Variants in LAMTOR5 observed in about 807,000 individuals in gnomAD.
The protein encoded by LAMTOR5 is ragulator complex protein LAMTOR5.
A neutral mutation model predicts 12.1 loss-of-function variants in LAMTOR5; 8 were observed. The ratio of observed to expected loss-of-function variants is 0.66; its 90% CI spans 0.39 to 1.19. The LOEUF (loss-of-function observed/expected upper bound fraction) is 1.19, where lower values mean the gene tolerates loss of function less well. LAMTOR5 is among the 50% of genes most tolerant of loss of function. The pLI is 0.01. For synonymous variants in LAMTOR5, 37 were observed against 41.9 expected (o/e 0.88, Z 0.45); for missense variants, 110 against 112.8 (o/e 0.97, Z 0.11).
chr1:110,404,130 G>A (rs1557923981), intron 2 of LAMTOR5, 94 bp from the exon 3 acceptor site: 1 of 1,529,416 alleles, frequency 6.5e-7, no homozygotes, highest in Non-Finnish European at 8.8e-7. Context: ...CTACAGAATT[G>A]TCTTTTTATT....
At chr1:110,404,303 A>G (rs1329232282) in intron 2 of LAMTOR5, among the ~76,000 whole-genome samples, 1 of 152,270 alleles carries the variant, frequency 6.6e-6, no homozygotes, top group African/African-American at 2.4e-5. Context: ...ATCAGGTAAT[A>G]GACATGCCAC....
intron 1 of LAMTOR5, chr1:110,407,304 C>G (rs557491216): frequency 6.8e-6 from 4 of 589,214 alleles, no homozygotes; most frequent in East Asian, 5.5e-5. Flanking sequence ...CCACCCTGAC[C>G]GTAAAGACGA....
At chr1:110,405,705 C>T (rs1210554958) in intron 2 of LAMTOR5, among the ~76,000 whole-genome samples, 2 of 152,126 alleles carry the variant, frequency 1.3e-5, no homozygotes, top group Non-Finnish European at 2.9e-5. Flanking sequence ...TACAATGGTG[C>T]TTGGCACATA....
At chr1:110,407,843 G>C, upstream of LAMTOR5, 2 of 1,613,756 alleles carry the variant, frequency 1.2e-6, no homozygotes, top group South Asian at 1.1e-5. Flanking sequence ...GGTGACCGTC[G>C]AGGTGACCTG....
At chr1:110,402,943 C>G (rs1356898737) in intron 3 of LAMTOR5, among the ~76,000 whole-genome samples, 1 of 152,200 alleles carries the variant, frequency 6.6e-6, no homozygotes, top group Admixed American at 6.5e-5. Flanking sequence ...GGTAAGTGCC[C>G]TATTCAGATA....
intron 1 of LAMTOR5, chr1:110,407,263 A>C (rs1663352426): frequency 3.5e-6 from 2 of 578,550 alleles, no homozygotes; most frequent in African/African-American, 1.9e-5. Context: ...TCTTCCCAAA[A>C]GTCAACCCGT....
chr1:110,402,035 C>T (rs955347938), intron 3 of LAMTOR5, among the ~76,000 whole-genome samples: 2 of 152,112 alleles, frequency 1.3e-5, no homozygotes, highest in South Asian at 2.1e-4. Flanking sequence ...ATGGTGGTCC[C>T]GTAAGATTAT....
At chr1:110,401,633 A>T in intron 3 of LAMTOR5, 50 bp from the exon 4 acceptor site, 1 of 1,552,100 alleles carries the variant, frequency 6.4e-7, no homozygotes. Context: ...GTGGGACTTC[A>T]CTGCAAGATT....
chr1:110,407,490 G>A, intron 1 of LAMTOR5, 96 bp downstream of exon 1: 3 of 1,451,188 alleles, frequency 2.1e-6, no homozygotes, highest in Non-Finnish European at 2.8e-6. Flanking sequence ...ACGTCCCCGA[G>A]ACGCCCTGGC....
chr1:110,407,850 C>A, upstream of LAMTOR5: 1 of 1,613,576 alleles, frequency 6.2e-7, no homozygotes, highest in South Asian at 1.1e-5. Flanking sequence ...GTCGAGGTGA[C>A]CTGCACCTGG....
chr1:110,407,553 T>C (rs1663360210), intron 1 of LAMTOR5, 33 bp downstream of exon 1: 1 of 1,604,940 alleles, frequency 6.2e-7, no homozygotes, highest in Admixed American at 1.7e-5. Context: ...CGCCGCGACC[T>C]CAGGACAGGC....
chr1:110,407,573 G>A lies in LAMTOR5; in HGVS notation c.35+13C>T, dbSNP rs769246199. ...CGACCTCAGGACAGGCCGAAGAGGC[G>A]CGCACTACTCACGTGTCTTCCAAGT... On this transcript the variant is annotated intron_variant, in intron 1 of 3. Transcript: ENST00000602318. The A allele has an allele frequency of 3.1e-6, 5 of 1,611,726 alleles. No homozygotes were observed. The highest frequency in any genetic ancestry group is 2.2e-5 in the East Asian group (1 of 44,828).
chr1:110,402,016 C>T (rs921089954), intron 3 of LAMTOR5, among the ~76,000 whole-genome samples: 2 of 152,150 alleles, frequency 1.3e-5, no homozygotes, highest in African/African-American at 4.8e-5. Context: ...ACAGTGGACC[C>T]TACATATGAT....
chr1:110,405,317 T>C (rs987857737), intron 2 of LAMTOR5, among the ~76,000 whole-genome samples: 1 of 151,944 alleles, frequency 6.6e-6, no homozygotes, highest in Non-Finnish European at 1.5e-5. Context: ...CCTGCTACCA[T>C]GCCTGGCTAA....
chr1:110,404,114 A>C, intron 2 of LAMTOR5, 78 bp from the exon 3 acceptor site: 1 of 1,572,758 alleles, frequency 6.4e-7, no homozygotes, highest in Non-Finnish European at 8.6e-7. Flanking sequence ...GGCTGTTTTA[A>C]AATGTCTACA....
At chr1:110,402,460 T>G (rs1663248995) in intron 3 of LAMTOR5, among the ~76,000 whole-genome samples, 1 of 152,164 alleles carries the variant, frequency 6.6e-6, no homozygotes, top group South Asian at 2.1e-4. Flanking sequence ...TTGGTTAGGC[T>G]GTCTCACACT....
At chr1:110,406,944 GA>G in intron 1 of LAMTOR5, 2 of 584,082 alleles carry the variant, frequency 3.4e-6, no homozygotes, top group Admixed American at 2.7e-5. Flanking sequence ...AACACTGCGT[GA>G]AAAACATCTA....
At chr1:110,402,260 C>CT (rs1244005787) in intron 3 of LAMTOR5, among the ~76,000 whole-genome samples, 7 of 151,808 alleles carry the variant, frequency 4.6e-5, no homozygotes, top group South Asian at 2.1e-4. Flanking sequence ...TACTTTTTTT[C>CT]TTTTTTTTGA....
At chr1:110,405,285 C>T (rs1158074073) in intron 2 of LAMTOR5, among the ~76,000 whole-genome samples, 2 of 151,752 alleles carry the variant, frequency 1.3e-5, no homozygotes, top group East Asian at 1.9e-4. Context: ...CTCAGCCTCC[C>T]GAGTAGCTGG....
Sources: gnomAD v4.1 joint callset for allele counts (sites outside exome capture counted in the v4.1 genomes callset) on GRCh38, gnomAD v4.1.1 for gene constraint, MANE v1.5 for transcripts, NCBI Gene and HGNC (gene_info 2026-07-23, HGNC 2026-07-21) for gene names.